The following OR1L8 variants were observed in gnomAD, a reference collection of about 807,000 sequenced individuals.
OR1L8 encodes olfactory receptor 1L8.
For synonymous variants in OR1L8, 148 were observed against 147.0 expected (o/e 1.01, Z -0.05); for missense variants, 330 against 377.4 (o/e 0.87, Z 1.04).
rs1459165511 is a variant in OR1L8, at chr9:122,572,834, T to C, written c.-267A>G. 3 of 152,266 alleles carry C rather than the reference T, an allele frequency of 2.0e-5. No individual in the cohort carries two copies. The highest frequency in any genetic ancestry group is 4.4e-5 in the Non-Finnish European group (3 of 68,064). 9.4% of individuals were successfully genotyped at this position (152,266 alleles called of 1,614,324 possible). On this transcript the variant is annotated 5_prime_UTR_variant, in exon 4 of 5. Transcript: ENST00000641027. ...CATGTGTCTCAAGAAGTGGATCTTC[T>C]GCACATCTGTGATTTCCAACTCTGC...
chr9:122,553,507 G>C, the OR1L8 span: 3 of 1,613,976 alleles, frequency 1.9e-6, no homozygotes, highest in South Asian at 3.3e-5. Context: ...TCGTATTCTG[G>C]GTGTCTTGCA....
the OR1L8 span, among the ~76,000 whole-genome samples, chr9:122,552,179 G>T: frequency 6.6e-6 from 1 of 150,856 alleles, no homozygotes; most frequent in Non-Finnish European, 1.5e-5. Flanking sequence ...AAGGTCAGAA[G>T]CTTCTCTATG....
the OR1L8 span, among the ~76,000 whole-genome samples, chr9:122,555,638 G>A: frequency 6.6e-6 from 1 of 152,164 alleles, no homozygotes; most frequent in Non-Finnish European, 1.5e-5. Context: ...ATTGGCTCAT[G>A]CAGTTGTAGA....
chr9:122,583,189 TC>T (rs1373374970), intron 1 of OR1L8, 131 bp downstream of exon 1: 1 of 151,924 alleles, frequency 6.6e-6, no homozygotes, highest in Non-Finnish European at 1.5e-5. Context: ...CCCTATTCAC[TC>T]TAGTCTGATT....
the OR1L8 span, among the ~76,000 whole-genome samples, chr9:122,560,915 G>T: frequency 1.3e-5 from 2 of 152,144 alleles, no homozygotes; most frequent in African/African-American, 4.8e-5. Flanking sequence ...ATATCCTGAA[G>T]TGTGTTTTCC....
At chr9:122,564,621 G>C (rs1442752212), downstream of OR1L8, among the ~76,000 whole-genome samples, 1 of 152,224 alleles carries the variant, frequency 6.6e-6, no homozygotes, top group Non-Finnish European at 1.5e-5. Context: ...CCTGGAGAAT[G>C]ACAGTGGATT....
intron 3 of OR1L8, among the ~76,000 whole-genome samples, chr9:122,573,614 T>TA (rs1439625792): frequency 6.6e-6 from 1 of 152,234 alleles, no homozygotes; most frequent in African/African-American, 2.4e-5. Flanking sequence ...TGTTGAGTTT[T>TA]AAGAGTTATT....
At chr9:122,570,221 T>G (rs1317042986) in intron 4 of OR1L8, among the ~76,000 whole-genome samples, 2 of 151,034 alleles carry the variant, frequency 1.3e-5, no homozygotes, top group Non-Finnish European at 2.9e-5. Flanking sequence ...GGTCAAATGG[T>G]ATTTCTAGTT....
At chr9:122,577,818 A>G (rs1440537855) in intron 2 of OR1L8, among the ~76,000 whole-genome samples, 1 of 152,174 alleles carries the variant, frequency 6.6e-6, no homozygotes, top group Admixed American at 6.5e-5. Context: ...TCTCAATTAC[A>G]TTAAGCCATG....
the OR1L8 span, among the ~76,000 whole-genome samples, chr9:122,550,358 C>T: frequency 6.6e-6 from 1 of 151,952 alleles, no homozygotes; most frequent in Non-Finnish European, 1.5e-5. Context: ...GAAACTCTTC[C>T]AAAAAATCAA....
At chr9:122,578,852 T>C (rs1288413593) in intron 1 of OR1L8, among the ~76,000 whole-genome samples, 1 of 152,110 alleles carries the variant, frequency 6.6e-6, no homozygotes, top group Non-Finnish European at 1.5e-5. Context: ...CTGGGTACAG[T>C]GTACACTGCT....
intron 2 of OR1L8, among the ~76,000 whole-genome samples, chr9:122,577,729 AT>A (rs1829682456): frequency 6.6e-6 from 1 of 152,230 alleles, no homozygotes; most frequent in African/African-American, 2.4e-5. Flanking sequence ...GACAGTATTT[AT>A]TTAAATATTT....
intron 1 of OR1L8, among the ~76,000 whole-genome samples, chr9:122,579,604 C>T (rs149181366): frequency 6.6e-6 from 1 of 152,162 alleles, no homozygotes; most frequent in African/African-American, 2.4e-5. Flanking sequence ...AGAATTCTTC[C>T]TTTTTAATTA....
chr9:122,571,547 CAAAAA>C lies in OR1L8; in HGVS notation c.-213+1228_-213+1232del, dbSNP rs59592725. The stretch of plus-strand genomic sequence containing the variant: ...CCTGGCCAACAGAGCCAGACTGTCT[CAAAAA>C]AAAAAAAAAAAAAATTAGCTGAGTG... On this transcript the variant is annotated intron_variant, in intron 4 of 4. Coordinates refer to ENST00000641027, the MANE Select transcript of OR1L8 (RefSeq NM_001004454.2). 3.0e-3 allele frequency among the ~76,000 whole-genome samples: 376 copies of C among 126,856 alleles called. 2 individuals are homozygous for C. Among genetic ancestry groups the C allele is most frequent in the African/African-American group, 9.1e-3 (302 of 33,248 alleles). 83.2% of individuals were successfully genotyped at this position (126,856 alleles called of 152,430 possible). A position where few individuals can be genotyped will look rare whatever the true frequency, so the allele number is the denominator to read the frequency against.
intron 2 of OR1L8, among the ~76,000 whole-genome samples, chr9:122,577,731 T>G (rs916842936): frequency 6.6e-6 from 1 of 152,194 alleles, no homozygotes; most frequent in Non-Finnish European, 1.5e-5. Flanking sequence ...CAGTATTTAT[T>G]TAAATATTTT....
the OR1L8 span, among the ~76,000 whole-genome samples, chr9:122,558,893 T>C: frequency 6.6e-6 from 1 of 152,072 alleles, no homozygotes; most frequent in Non-Finnish European, 1.5e-5. Flanking sequence ...GGAAGTTTCA[T>C]ATCTTTTTAA....
At chr9:122,571,662 G>C (rs762836513) in intron 4 of OR1L8, among the ~76,000 whole-genome samples, 46 of 151,314 alleles carry the variant, frequency 3.0e-4, no homozygotes, top group Non-Finnish European at 5.6e-4. Context: ...GTTGCAGTGA[G>C]CCAAGATTGC....
At position 122,567,728 on chromosome 9, in the gene OR1L8, C is replaced by G; in HGVS notation, c.750G>C (p.Thr250=). 6.2e-7 allele frequency: 1 copy of G among 1,613,910 alleles called. No individual in the cohort carries two copies. Among genetic ancestry groups the G allele is most frequent in the African/African-American group, 1.3e-5 (1 of 75,014 alleles). The change falls in exon 5 of 5, where the codon ACG becomes ACC. Residue 250 remains threonine, a synonymous_variant. Transcript: ENST00000641027. ...STCGFYLTVV[T]LFYGSIFCVY... is the part of the protein sequence containing the mutation. Reference sequence around the variant, plus strand: ...CACAGAAGATGCTTCCATAAAAGAGCGTCACCACGGTGAGGTAAAAACCAC... The same window carrying G: ...CACAGAAGATGCTTCCATAAAAGAGGGTCACCACGGTGAGGTAAAAACCAC...
At chr9:122,561,801 G>A in the OR1L8 span, among the ~76,000 whole-genome samples, 1 of 152,176 alleles carries the variant, frequency 6.6e-6, no homozygotes, top group Non-Finnish European at 1.5e-5. Flanking sequence ...CTGTTGCAGG[G>A]TCTCACCCAG....
Sources: allele counts gnomAD v4.1 joint callset (sites outside exome capture counted in the v4.1 genomes callset), GRCh38; gene constraint gnomAD v4.1.1; transcripts MANE v1.5; gene names NCBI Gene and HGNC (gene_info 2026-07-23, HGNC 2026-07-21).